Variants in PROM1 observed in about 807,000 individuals in gnomAD.
PROM1 encodes the protein prominin-1.
PROM1 carries 105 observed loss-of-function variants against 116.9 expected under a neutral mutation model. The ratio of observed to expected loss-of-function variants is 0.90; its 90% confidence interval spans 0.77 to 1.06. PROM1 has a LOEUF of 1.06. Ranked by LOEUF, PROM1 falls within the 50% of genes least tolerant of loss-of-function variation. The probability of loss-of-function intolerance (pLI) is 0.00; values close to 1 mark genes in which losing one functional copy is unlikely to be tolerated. For synonymous variants in PROM1, 393 were observed against 387.0 expected (o/e 1.02, Z -0.18); for missense variants, 1,122 against 1,045.2 (o/e 1.07, Z -1.01).
intron 2 of PROM1, among the ~76,000 whole-genome samples, chr4:16,045,140 T>C (rs1736243089): frequency 6.6e-6 from 1 of 152,174 alleles, no homozygotes; most frequent in Admixed American, 6.5e-5. Context: ...CCGTGCCATC[T>C]GTGTGTTGCC....
intron 26 of PROM1, 46 bp downstream of exon 26, chr4:15,979,349 G>T: frequency 6.2e-7 from 1 of 1,612,872 alleles, no homozygotes; most frequent in South Asian, 1.1e-5. Context: ...TAGGAGATGA[G>T]ACGGTTTATC....
chr4:16,023,291 G>A (rs964343247), intron 8 of PROM1, 35 bp downstream of exon 8: 2 of 1,508,130 alleles, frequency 1.3e-6, no homozygotes, highest in African/African-American at 1.4e-5. Context: ...ACTCCTGGAT[G>A]GAACTTTCTT....
In PROM1 at chr4:15,980,554, A is replaced by C; in HGVS notation, c.2374-17T>G. On this transcript the variant is annotated splice_polypyrimidine_tract_variant and intron_variant, in intron 23 of 27. Coordinates refer to ENST00000447510, the MANE Select transcript of PROM1 (RefSeq NM_006017.3). Reference sequence around the variant, plus strand: ...AAACAAATTCTAGGAAAAAAAAATCAGAAGAATTAAATGTTTGAAGATAAG... The same window carrying C: ...AAACAAATTCTAGGAAAAAAAAATCCGAAGAATTAAATGTTTGAAGATAAG... 6.9e-7 allele frequency: 1 copy of C among 1,445,050 alleles called. No individual in the cohort carries two copies. Among genetic ancestry groups the C allele is most frequent in the Non-Finnish European group, 9.5e-7 (1 of 1,055,322 alleles). The allele number at this position is 1,445,050 out of a possible 1,614,324, so 89.5% of individuals were successfully genotyped here.
intron 26 of PROM1, among the ~76,000 whole-genome samples, chr4:15,978,660 G>A (rs959491898): frequency 4.6e-5 from 7 of 152,198 alleles, no homozygotes; most frequent in African/African-American, 9.7e-5. Flanking sequence ...GAGCGGGCTC[G>A]GGGGAGCACT....
At chr4:16,074,553 T>C (rs904176422) in intron 2 of PROM1, among the ~76,000 whole-genome samples, 15 of 152,268 alleles carry the variant, frequency 9.9e-5, no homozygotes, top group African/African-American at 3.6e-4. Flanking sequence ...ACATAAACAG[T>C]AAGTAGCATT....
intron 10 of PROM1, among the ~76,000 whole-genome samples, chr4:16,014,063 G>A (rs1727658535): frequency 6.6e-6 from 1 of 152,168 alleles, no homozygotes; most frequent in African/African-American, 2.4e-5. Flanking sequence ...CCCCCCATGA[G>A]AGGGAAATAT....
rs1227539229 is a variant in PROM1 at position 16,006,591 on chromosome 4, G to A, written c.1401C>T (p.Ala467=). ...LCGVCGYDRH[A]TPTTRGCVSN... ...AGACACAGCCTCGGGTGGTCGGGGT[G>A]GCATGCCTGTCATAGCCGCACACGC... The change falls in exon 13 of 28, where the codon GCC becomes GCT. Residue 467 remains alanine (A), a synonymous_variant. Coordinates refer to ENST00000447510, the MANE Select transcript of PROM1 (RefSeq NM_006017.3). 3 of 1,606,684 alleles carry A rather than the reference G, an allele frequency of 1.9e-6. No individual in the cohort carries two copies. The highest frequency in any genetic ancestry group is 2.5e-6 in the Non-Finnish European group (3 of 1,176,834).
Position 16,056,693 on chromosome 4 carries a change from T to C in PROM1, c.221-17692A>G, listed in dbSNP as rs114142367. On this transcript the variant is annotated intron_variant, in intron 2 of 27. Coordinates refer to ENST00000447510, the MANE Select transcript of PROM1 (RefSeq NM_006017.3). ...AAGAAGAAAAAAAAGAAACGAGCCA[T>C]GCAGAAGAGTCGTCCAGGCAAAGGG... Among the ~76,000 whole-genome samples the C allele has an allele frequency of 4.7e-3, 703 of 150,262 alleles. 4 individuals are homozygous for C. The highest frequency in any genetic ancestry group is 0.016 in the African/African-American group (668 of 40,972).
At chr4:16,024,401 A>C (rs753772287) in intron 6 of PROM1, 43 bp from the exon 7 acceptor site, 1 of 1,528,068 alleles carries the variant, frequency 6.5e-7, no homozygotes, top group East Asian at 2.3e-5. Context: ...TCTAAGGTCC[A>C]AAGGCAATAA....
intron 26 of PROM1, among the ~76,000 whole-genome samples, chr4:15,974,122 CTCT>C: frequency 1.2e-5 from 1 of 86,216 alleles, no homozygotes; most frequent in Non-Finnish European, 3.1e-5. Context: ...CTCTCTTTCT[CTCT>C]CTCTCTCTCT....
intron 26 of PROM1, among the ~76,000 whole-genome samples, chr4:15,974,953 TG>T (rs1715727938): frequency 6.6e-6 from 1 of 152,190 alleles, no homozygotes; most frequent in Admixed American, 6.5e-5. Flanking sequence ...GAAGGTATCA[TG>T]AGGTGTCGGC....
At chr4:16,030,774 G>A (rs368050813) in intron 5 of PROM1, among the ~76,000 whole-genome samples, 22 of 152,192 alleles carry the variant, frequency 1.4e-4, no homozygotes, top group Middle Eastern at 6.8e-3. Context: ...GGCTAGGCAC[G>A]GTGGCTCACA....
At chr4:16,000,720 T>C in intron 13 of PROM1, 101 bp from the exon 14 acceptor site, 1 of 1,028,042 alleles carries the variant, frequency 9.7e-7, no homozygotes, top group Non-Finnish European at 1.3e-6. Context: ...AGCCCTGGGG[T>C]CTTCAGTGTT....
chr4:16,040,117 A>G (rs1284444650), intron 2 of PROM1, among the ~76,000 whole-genome samples: 7 of 152,174 alleles, frequency 4.6e-5, no homozygotes, highest in Admixed American at 4.6e-4. Flanking sequence ...GGGGGGGCAA[A>G]CGAAACACTA....
chr4:16,014,723 AG>A (rs1727859518), intron 10 of PROM1, among the ~76,000 whole-genome samples: 1 of 152,232 alleles, frequency 6.6e-6, no homozygotes, highest in Non-Finnish European at 1.5e-5. Context: ...CCATCCTAAA[AG>A]ACAGAGTTAA....
intron 1 of PROM1, among the ~76,000 whole-genome samples, chr4:16,077,897 C>T (rs1744282186): frequency 6.6e-6 from 1 of 152,232 alleles, no homozygotes; most frequent in South Asian, 2.1e-4. Flanking sequence ...CCCCTCTCCA[C>T]CTCACCCCGA....
intron 23 of PROM1, among the ~76,000 whole-genome samples, chr4:15,981,901 A>G (rs1718061014): frequency 6.6e-6 from 1 of 152,218 alleles, no homozygotes; most frequent in African/African-American, 2.4e-5. Flanking sequence ...ATCTCTTAAC[A>G]TTGAACCCTT....
rs1743866014 is a variant in PROM1, at chr4:16,075,902, G to A, written c.5C>T (p.Ala2Val). Residue 2 changes from alanine (A) to valine (V), a missense_variant, in exon 2 of 28, where the codon GCC becomes GTC. Transcript: ENST00000447510. M[A>V]LVLGSLLLLG... ...CAGCAACAGGGAGCCGAGTACGAGGGCCATAGCTAGCAAGATCCTCCAAAC... is the reference window on the plus strand; with the variant it reads ...CAGCAACAGGGAGCCGAGTACGAGGACCATAGCTAGCAAGATCCTCCAAAC... The A allele has an allele frequency of 6.2e-7, 1 of 1,606,630 alleles. No individual in the cohort carries two copies. The highest frequency in any genetic ancestry group is 8.5e-7 in the Non-Finnish European group (1 of 1,175,656).
chr4:16,000,114 C>G (rs1723385213), intron 14 of PROM1, among the ~76,000 whole-genome samples: 1 of 152,226 alleles, frequency 6.6e-6, no homozygotes, highest in Non-Finnish European at 1.5e-5. Context: ...ACCTGGGAAT[C>G]TCCCAGGGTG....
Sources: gnomAD v4.1 joint callset for allele counts (sites outside exome capture counted in the v4.1 genomes callset) on GRCh38, gnomAD v4.1.1 for gene constraint, MANE v1.5 for transcripts, NCBI Gene and HGNC (gene_info 2026-07-23, HGNC 2026-07-21) for gene names.